AGBL3: variants seen among roughly 807,000 people sequenced by gnomAD.
The protein encoded by AGBL3 is cytosolic carboxypeptidase 3.
A neutral mutation model predicts 94.5 loss-of-function variants in AGBL3; 68 were observed. The observed-to-expected ratio is 0.72, with a 90% CI of 0.59 to 0.88. The LOEUF is 0.88. AGBL3 is among the 40% of genes least tolerant of loss of function. The pLI, the probability that AGBL3 is intolerant of heterozygous loss-of-function variation, is 0.00. For synonymous variants in AGBL3, 354 were observed against 370.7 expected (o/e 0.95, Z 0.52); for missense variants, 934 against 1,103.8 (o/e 0.85, Z 2.18).
At chr7:135,044,786 A>G (rs1174467541) in intron 9 of AGBL3, among the ~76,000 whole-genome samples, 2 of 150,508 alleles carry the variant, frequency 1.3e-5, no homozygotes, top group African/African-American at 2.4e-5. Flanking sequence ...ATATGTATAC[A>G]TGTGCCTTGC....
intron 4 of AGBL3, among the ~76,000 whole-genome samples, chr7:135,007,877 A>G (rs537660450): frequency 5.3e-5 from 8 of 152,184 alleles, no homozygotes; most frequent in African/African-American, 1.9e-4. Context: ...AAACAACCCT[A>G]AAATGAACTT....
chr7:135,118,568 A>G (rs1432389896), intron 16 of AGBL3, among the ~76,000 whole-genome samples: 3 of 152,220 alleles, frequency 2.0e-5, no homozygotes, highest in Non-Finnish European at 4.4e-5. Flanking sequence ...GAGGGTTTAC[A>G]TAAGATCCAG....
At chr7:135,111,544 C>A (rs559438382) in intron 15 of AGBL3, among the ~76,000 whole-genome samples, 1 of 151,872 alleles carries the variant, frequency 6.6e-6, no homozygotes, top group African/African-American at 2.4e-5. Context: ...AGTAATAAAC[C>A]CAAGACTTAT....
At chr7:135,019,452 A>G (rs1254544456) in intron 5 of AGBL3, among the ~76,000 whole-genome samples, 8 of 151,996 alleles carry the variant, frequency 5.3e-5, no homozygotes, top group African/African-American at 1.9e-4. Context: ...TTTTCAAGAA[A>G]CTTTATTCTT....
intron 8 of AGBL3, among the ~76,000 whole-genome samples, chr7:135,038,105 A>G (rs1343304189): frequency 6.6e-6 from 1 of 152,192 alleles, no homozygotes; most frequent in Non-Finnish European, 1.5e-5. Flanking sequence ...AGCCTCATTT[A>G]CCAAGATGTG....
chr7:135,110,377 A>G (rs1264189314), intron 15 of AGBL3, among the ~76,000 whole-genome samples: 5 of 152,200 alleles, frequency 3.3e-5, no homozygotes, highest in African/African-American at 2.4e-5. Context: ...TTTTGCTGGG[A>G]AACCCGAGTA....
intron 7 of AGBL3, 52 bp from the exon 8 acceptor site, chr7:135,037,366 T>C (rs1816414816): frequency 2.8e-6 from 4 of 1,448,538 alleles, no homozygotes; most frequent in South Asian, 2.9e-5. Flanking sequence ...GTTGTACCTA[T>C]AGAAGAAAAA....
At chr7:135,109,143 T>C (rs933991895) in intron 15 of AGBL3, among the ~76,000 whole-genome samples, 1 of 152,246 alleles carries the variant, frequency 6.6e-6, no homozygotes, top group African/African-American at 2.4e-5. Flanking sequence ...CTCCTGAATT[T>C]TGATGATCTT....
chr7:135,123,661 C>A (rs1348355286), intron 16 of AGBL3, among the ~76,000 whole-genome samples: 1 of 152,066 alleles, frequency 6.6e-6, no homozygotes, highest in Non-Finnish European at 1.5e-5. Flanking sequence ...AGGTCATCTA[C>A]AAAGGGAAGC....
At chr7:135,093,324 A>G (rs1358421983) in intron 15 of AGBL3, 1 of 152,112 alleles carries the variant, frequency 6.6e-6, no homozygotes, top group Non-Finnish European at 1.5e-5. Flanking sequence ...CCACACTATT[A>G]GCACTAATAA....
rs79695045 is a variant in AGBL3, at chr7:135,056,855, A to G, written c.1842-2314A>G. Among the ~76,000 whole-genome samples the G allele has an allele frequency of 9.8e-3, 1,496 of 152,282 alleles. 20 individuals carry two copies. Among genetic ancestry groups the G allele is most frequent in the African/African-American group, 0.034 (1,411 of 41,560 alleles). On this transcript the variant is annotated intron_variant, in intron 11 of 16. Coordinates refer to ENST00000436302, the MANE Select transcript of AGBL3 (RefSeq NM_178563.4). ...AATGTAATTCCAATCAAAATCCCAGAAAGTTATTTTGTGGCTATAGACAAA... is the reference window on the plus strand; with the variant it reads ...AATGTAATTCCAATCAAAATCCCAGGAAGTTATTTTGTGGCTATAGACAAA...
At chr7:135,084,741 C>T (rs1002473029) in intron 15 of AGBL3, among the ~76,000 whole-genome samples, 12 of 152,036 alleles carry the variant, frequency 7.9e-5, no homozygotes, top group Admixed American at 2.0e-4. Flanking sequence ...ATCATTTCAT[C>T]TGTTGATGGA....
At chr7:135,003,946 T>C (rs2133424188) in intron 4 of AGBL3, among the ~76,000 whole-genome samples, 1 of 151,680 alleles carries the variant, frequency 6.6e-6, no homozygotes, top group African/African-American at 2.4e-5. Context: ...TATTTCTTTT[T>C]TGTACTAAAT....
At chr7:134,999,651 T>C (rs540095334) in intron 4 of AGBL3, among the ~76,000 whole-genome samples, 2 of 152,346 alleles carry the variant, frequency 1.3e-5, no homozygotes, top group East Asian at 1.9e-4. Flanking sequence ...GTGATTTCCA[T>C]AGGATGGTGC....
intron 15 of AGBL3, among the ~76,000 whole-genome samples, chr7:135,112,113 C>T (rs1039264204): frequency 6.6e-6 from 1 of 152,196 alleles, no homozygotes; most frequent in Non-Finnish European, 1.5e-5. Flanking sequence ...ATCCATTCTA[C>T]CTCTAAAGAT....
At position 135,043,128 on chromosome 7, in the gene AGBL3, A is replaced by G. The variant is rs1378216376; in HGVS notation, c.1501-897A>G. ...TAACATGAAGATTGAATCCCTTCCT[A>G]TAACTTTTTTAAAAGTATAAAATTT... is the stretch of plus-strand genomic sequence containing the variant. On this transcript the variant is annotated intron_variant, in intron 8 of 16. Coordinates refer to ENST00000436302, the MANE Select transcript of AGBL3 (RefSeq NM_178563.4). 2.6e-5 allele frequency among the ~76,000 whole-genome samples: 4 copies of G among 152,166 alleles called. No individual in the cohort carries two copies. The East Asian group carries it at 5.8e-4, about 22-fold the overall frequency.
chr7:135,087,377 G>A (rs1466700755), intron 15 of AGBL3, among the ~76,000 whole-genome samples: 5 of 150,884 alleles, frequency 3.3e-5, no homozygotes, highest in South Asian at 2.1e-4. Context: ...CTAATTTTTG[G>A]TTTGGTTTGT....
chr7:134,992,394 C>T lies in AGBL3; in HGVS notation c.125-1099C>T, dbSNP rs138165415. 9.4e-4 allele frequency among the ~76,000 whole-genome samples: 143 copies of T among 152,330 alleles called. 3 individuals are homozygous for T. Among genetic ancestry groups the T allele is most frequent in the Admixed American group, 9.1e-3 (139 of 15,308 alleles). ...AATAGCATTCTTACTCCCACTTTCC[C>T]ATTTCTAATCTTCATTTATATTTCT... On this transcript the variant is annotated intron_variant, in intron 3 of 16. Coordinates refer to ENST00000436302, the MANE Select transcript of AGBL3 (RefSeq NM_178563.4).
At chr7:135,076,249 T>C (rs138994837) in intron 12 of AGBL3, 148 bp from the exon 13 acceptor site, 4 of 612,596 alleles carry the variant, frequency 6.5e-6, no homozygotes, top group Non-Finnish European at 1.2e-5. Flanking sequence ...TCTTATATGA[T>C]ACCCAGAATT....
Sources: gnomAD v4.1 joint callset for allele counts (sites outside exome capture counted in the v4.1 genomes callset) on GRCh38, gnomAD v4.1.1 for gene constraint, MANE v1.5 for transcripts, NCBI Gene and HGNC (gene_info 2026-07-23, HGNC 2026-07-21) for gene names.